The following PSME4 variants were observed in gnomAD, a reference collection of about 807,000 sequenced individuals.
PSME4 encodes the protein proteasome activator complex subunit 4.
In PSME4, 89 loss-of-function variants were observed where a neutral mutation model predicts 253.9. That is an observed-to-expected ratio of 0.35 (90% CI 0.30 to 0.42). PSME4 has a LOEUF of 0.42. Among genes scored for constraint, PSME4 ranks in the 10% least tolerant of loss-of-function variants. The pLI is 1.00. For synonymous variants in PSME4, 851 were observed against 759.2 expected (o/e 1.12, Z -1.99); for missense variants, 2,014 against 2,195.2 (o/e 0.92, Z 1.65).
chr2:53,868,874 G>C (rs1195733887), intron 44 of PSME4, among the ~76,000 whole-genome samples: 1 of 151,790 alleles, frequency 6.6e-6, no homozygotes, highest in East Asian at 1.9e-4. Flanking sequence ...ATAGTAGTCA[G>C]ATCTTATTCT....
At chr2:53,874,623 A>G (rs997814818) in intron 42 of PSME4, 129 bp from the exon 43 acceptor site, 2 of 952,688 alleles carry the variant, frequency 2.1e-6, no homozygotes, top group Admixed American at 5.7e-5. Context: ...TAGTTAGGAC[A>G]AGCTCATATT....
At chr2:53,904,540 T>C (rs1360729568) in intron 26 of PSME4, among the ~76,000 whole-genome samples, 1 of 152,202 alleles carries the variant, frequency 6.6e-6, no homozygotes, top group Non-Finnish European at 1.5e-5. Context: ...AATTAAAGAA[T>C]TTCCAGGAGG....
At chr2:53,874,906 T>C (rs1335692559) in intron 42 of PSME4, among the ~76,000 whole-genome samples, 1 of 152,146 alleles carries the variant, frequency 6.6e-6, no homozygotes, top group African/African-American at 2.4e-5. Context: ...ATGGGGCCAC[T>C]GCACTCCAGC....
chr2:53,919,991 C>T (rs983888152), intron 19 of PSME4, among the ~76,000 whole-genome samples: 1 of 151,950 alleles, frequency 6.6e-6, no homozygotes, highest in East Asian at 1.9e-4. Flanking sequence ...GAAAAAGAAA[C>T]CCACAATTTT....
chr2:53,960,946 A>G (rs558923025), intron 1 of PSME4, among the ~76,000 whole-genome samples: 1 of 152,292 alleles, frequency 6.6e-6, no homozygotes, highest in South Asian at 2.1e-4. Context: ...AGTCTCTACT[A>G]AAAGTACAAA....
At chr2:53,919,928 C>T (rs1267387026) in intron 19 of PSME4, among the ~76,000 whole-genome samples, 1 of 152,078 alleles carries the variant, frequency 6.6e-6, no homozygotes, top group Non-Finnish European at 1.5e-5. Context: ...TATCTACACA[C>T]ACCTTCCAAA....
chr2:53,955,843 G>T (rs946377275), intron 1 of PSME4, among the ~76,000 whole-genome samples: 10 of 152,114 alleles, frequency 6.6e-5, no homozygotes, highest in African/African-American at 2.2e-4. Flanking sequence ...GATTGGTGGG[G>T]CCTGGGAAGC....
At chr2:53,910,028 T>C in intron 21 of PSME4, 47 bp downstream of exon 21, 1 of 1,441,416 alleles carries the variant, frequency 6.9e-7, no homozygotes, top group Non-Finnish European at 9.8e-7. Context: ...GTGGAGTTAC[T>C]GACAAAAATA....
intron 7 of PSME4, 78 bp downstream of exon 7, chr2:53,936,009 T>G (rs1365707977): frequency 6.6e-7 from 1 of 1,518,236 alleles, no homozygotes; most frequent in African/African-American, 1.4e-5. Flanking sequence ...TTCTCCTGCC[T>G]CAGCCACCCG....
Position 53,888,815 on chromosome 2 carries a change from G to A in PSME4, c.4297-3C>T. 6.2e-7 allele frequency: 1 copy of A among 1,603,946 alleles called. No homozygotes were observed. Among genetic ancestry groups the A allele is most frequent in the Non-Finnish European group, 8.5e-7 (1 of 1,171,372 alleles). On this transcript the variant is annotated splice_polypyrimidine_tract_variant and splice_region_variant and intron_variant, in intron 37 of 46. Transcript: ENST00000404125. ...AGTTTCCGGGGATCTCTGCTTTCCT[G>A]TGTTTAAAATATGATGTAACAGTTC...
At chr2:53,936,716 A>G (rs1669134740) in intron 6 of PSME4, 48 bp downstream of exon 6, 1 of 1,337,278 alleles carries the variant, frequency 7.5e-7, no homozygotes, top group African/African-American at 1.5e-5. Context: ...GGGGGAAAAA[A>G]GAAAAAAAAA....
intron 1 of PSME4, among the ~76,000 whole-genome samples, chr2:53,959,187 G>A (rs1670369287): frequency 6.6e-6 from 1 of 152,090 alleles, no homozygotes; most frequent in Non-Finnish European, 1.5e-5. Flanking sequence ...ATTTTTTACT[G>A]ATTATTGTAT....
At chr2:53,908,909 A>G in intron 21 of PSME4, 69 bp from the exon 22 acceptor site, 7 of 1,212,438 alleles carry the variant, frequency 5.8e-6, no homozygotes, top group Non-Finnish European at 8.4e-6. Flanking sequence ...AGTTTATATC[A>G]ACAGGTTAGG....
intron 46 of PSME4, 70 bp downstream of exon 46, chr2:53,866,015 A>C: frequency 7.1e-7 from 1 of 1,414,976 alleles, no homozygotes; most frequent in Middle Eastern, 1.9e-4. Flanking sequence ...GTCAGCAAAA[A>C]GAAAAAAAAC....
At chr2:53,869,739 T>C (rs1322235315) in intron 43 of PSME4, 1 of 394,186 alleles carries the variant, frequency 2.5e-6, no homozygotes, top group South Asian at 1.0e-4. Flanking sequence ...AAAAACTACA[T>C]TAGGGTTATG....
Position 53,897,959 on chromosome 2 carries a change from G to A in PSME4, c.3517C>T (p.Leu1173=). The change falls in exon 31 of 47, where the codon CTA becomes TTA. Residue 1173 remains leucine (L), a synonymous_variant. Transcript: ENST00000404125. Reference sequence around the variant, plus strand: ...AACACTCGGTCATCTCTCAGCAGTAGAGACAGAAGCCCAATGCCTATATGT... The same window carrying A: ...AACACTCGGTCATCTCTCAGCAGTAAAGACAGAAGCCCAATGCCTATATGT... ...FEHIGIGLLS[L]LLRDDRVLPL... The A allele has an allele frequency of 6.2e-7, 1 of 1,613,514 alleles. No homozygotes were observed. The highest frequency in any genetic ancestry group is 8.5e-7 in the Non-Finnish European group (1 of 1,179,526).
At chr2:53,937,635 A>C in intron 4 of PSME4, 95 bp from the exon 5 acceptor site, 1 of 1,130,572 alleles carries the variant, frequency 8.8e-7, no homozygotes. Context: ...GGGGAGGAGG[A>C]GAATATATGT....
At chr2:53,900,413 CAACTT>C (rs1319294300) in intron 28 of PSME4, among the ~76,000 whole-genome samples, 4 of 148,344 alleles carry the variant, frequency 2.7e-5, no homozygotes, top group Non-Finnish European at 6.0e-5. Context: ...AAAAAAAAAA[CAACTT>C]AAATTAGCTG....
intron 41 of PSME4, among the ~76,000 whole-genome samples, chr2:53,881,703 G>A (rs1329910839): frequency 6.6e-6 from 1 of 151,774 alleles, no homozygotes; most frequent in Non-Finnish European, 1.5e-5. Flanking sequence ...TCCTGTCTCA[G>A]ACCCCTGGGT....
Sources: gnomAD v4.1 joint callset for allele counts (sites outside exome capture counted in the v4.1 genomes callset) on GRCh38, gnomAD v4.1.1 for gene constraint, MANE v1.5 for transcripts, NCBI Gene and HGNC (gene_info 2026-07-23, HGNC 2026-07-21) for gene names.